The following COL6A6 variants were observed in gnomAD, a reference collection of about 807,000 sequenced individuals.
COL6A6 encodes the protein collagen alpha-6(VI) chain.
Under a neutral mutation model 208.6 loss-of-function variants are expected in COL6A6, and 183 were observed. That is an observed-to-expected ratio of 0.88 (90% CI 0.78 to 0.99). The LOEUF (loss-of-function observed/expected upper bound fraction) is 0.99. Among genes scored for constraint, COL6A6 ranks in the 50% least tolerant of loss-of-function variants. The pLI is 0.00. For synonymous variants in COL6A6, 973 were observed against 1,011.8 expected, an observed-to-expected ratio of 0.96 and a Z score of 0.73; for missense variants, 2,816 against 2,815.2, an observed-to-expected ratio of 1.00 and a Z score of -0.01.
chr3:130,661,381 C>T (rs997887805), intron 34 of COL6A6, among the ~76,000 whole-genome samples: 1 of 152,178 alleles, frequency 6.6e-6, no homozygotes, highest in East Asian at 1.9e-4. Flanking sequence ...GATTAAACTT[C>T]TGTTGAAAAC....
intron 24 of COL6A6, among the ~76,000 whole-genome samples, chr3:130,622,092 G>A (rs1287271354): frequency 6.6e-6 from 1 of 152,130 alleles, no homozygotes; most frequent in African/African-American, 2.4e-5. Context: ...TGTAATTTAA[G>A]AGGGGAGGGA....
In COL6A6 at chr3:130,565,365, G is replaced by T; in HGVS notation, c.1033G>T (p.Glu345Ter). 6.2e-7 allele frequency: 1 copy of T among 1,613,990 alleles called. No homozygotes were observed. Among genetic ancestry groups the T allele is most frequent in the South Asian group, 1.1e-5 (1 of 91,084 alleles). The change falls in exon 4 of 37, where the codon GAA becomes TAA. Residue 345 changes from glutamate to a stop codon, truncating the protein, a stop_gained. Transcript: ENST00000358511. LOFTEE classifies it high-confidence loss of function. ...CGTGCTGGTGACCCACCGAGATTCA[G>T]AAGACAACGTGACAAAAGCAGCTGT... ...IAVLVTHRDS[E>*]DNVTKAAVNL...
intron 23 of COL6A6, among the ~76,000 whole-genome samples, chr3:130,613,099 C>A (rs2064410233): frequency 6.6e-6 from 1 of 152,170 alleles, no homozygotes; most frequent in Admixed American, 6.5e-5. Flanking sequence ...AGTCCTATGT[C>A]CAGAATGGTG....
At position 130,661,875 on chromosome 3, in the gene COL6A6, C is replaced by T. The variant is rs938643754; in HGVS notation, c.6069C>T (p.Asn2023=). 1.9e-6 allele frequency: 3 copies of T among 1,613,872 alleles called. No homozygotes were observed. The African/African-American group carries it at 4.0e-5, about 22-fold the overall frequency. The part of the protein sequence containing the change: ...LSHAPPDFLP[N]TQKSPVRAEF... ...ATGCTCCCCCCGACTTCCTACCCAA[C>T]ACTCAGAAGAGTCCAGTTAGAGCTG... Residue 2023 remains asparagine, a synonymous_variant, in exon 35 of 37, where the codon AAC becomes AAT. Transcript: ENST00000358511.
At chr3:130,650,960 C>A (rs1486957800) in intron 33 of COL6A6, among the ~76,000 whole-genome samples, 1 of 152,116 alleles carries the variant, frequency 6.6e-6, no homozygotes, top group Non-Finnish European at 1.5e-5. Context: ...CCTTTTGAGG[C>A]CATTTCCACT....
chr3:130,537,748 T>C (rs1271287744), intron 1 of COL6A6, among the ~76,000 whole-genome samples: 1 of 152,218 alleles, frequency 6.6e-6, no homozygotes, highest in Non-Finnish European at 1.5e-5. Flanking sequence ...TGACCAAATA[T>C]TTTATTACCT....
chr3:130,527,890 C>CTT (rs56110472), intron 1 of COL6A6, among the ~76,000 whole-genome samples: 25 of 57,792 alleles, frequency 4.3e-4, no homozygotes, highest in Middle Eastern at 0.012. Flanking sequence ...GTTACTTTTC[C>CTT]TTTTTTTTTT....
intron 1 of COL6A6, among the ~76,000 whole-genome samples, chr3:130,537,173 C>T (rs1216381576): frequency 6.6e-6 from 1 of 152,198 alleles, no homozygotes; most frequent in East Asian, 1.9e-4. Flanking sequence ...TTGTCTGTTT[C>T]CCTTAACACA....
In COL6A6 at chr3:130,578,611, A is replaced by G. The variant is rs139462617; in HGVS notation, c.3548-2950A>G. Among the ~76,000 whole-genome samples the G allele has an allele frequency of 5.4e-4, 82 of 152,332 alleles. No homozygotes were observed. The East Asian group carries it at 0.015, about 28-fold the overall frequency. ...GTATACCAGCCCAGCAGAGGGAATAAAAGAGAGGATTTACCTGCCAATTGC... is the reference window on the plus strand; with the variant it reads ...GTATACCAGCCCAGCAGAGGGAATAGAAGAGAGGATTTACCTGCCAATTGC... On this transcript the variant is annotated intron_variant, in intron 8 of 36. Transcript: ENST00000358511.
chr3:130,527,597 A>G (rs144424624), intron 1 of COL6A6, among the ~76,000 whole-genome samples: 1 of 152,372 alleles, frequency 6.6e-6, no homozygotes, highest in African/African-American at 2.4e-5. Flanking sequence ...TTCCCAAGCA[A>G]TGATCACATC....
chr3:130,577,768 G>A (rs775623798), intron 8 of COL6A6, among the ~76,000 whole-genome samples: 25 of 152,340 alleles, frequency 1.6e-4, no homozygotes, highest in Admixed American at 4.6e-4. Flanking sequence ...TGTCTTATGA[G>A]GAGAAGTGAG....
chr3:130,608,169 A>G (rs1233268302), intron 21 of COL6A6, among the ~76,000 whole-genome samples: 1 of 152,230 alleles, frequency 6.6e-6, no homozygotes, highest in African/African-American at 2.4e-5. Context: ...CGTGTTTTGA[A>G]GAAATGCATG....
intron 6 of COL6A6, 111 bp from the exon 7 acceptor site, chr3:130,570,707 C>A: frequency 1.3e-6 from 1 of 768,260 alleles, no homozygotes; most frequent in Non-Finnish European, 2.1e-6. Context: ...TTCTAATGCA[C>A]AGCATGATCC....
rs531027130 is a variant in COL6A6, at chr3:130,577,769, G to A, written c.3547+3244G>A. On this transcript the variant is annotated intron_variant, in intron 8 of 36. Transcript: ENST00000358511. ...TTCTACTTATTCTGTGTCTTATGAG[G>A]AGAAGTGAGACAGTGAATTGGAAGT... Among the ~76,000 whole-genome samples the A allele has an allele frequency of 1.2e-3, 178 of 152,358 alleles. 1 individual carries two copies. The highest frequency in any genetic ancestry group is 6.8e-3 in the Middle Eastern group (2 of 294).
At chr3:130,586,748 C>A (rs1192060089) in intron 11 of COL6A6, 88 bp downstream of exon 11, 15 of 1,321,586 alleles carry the variant, frequency 1.1e-5, no homozygotes, top group Middle Eastern at 2.2e-4. Flanking sequence ...TTTGAACTTA[C>A]TGTGTTTATT....
At chr3:130,617,422 G>A (rs1488777342) in intron 23 of COL6A6, among the ~76,000 whole-genome samples, 7 of 152,104 alleles carry the variant, frequency 4.6e-5, no homozygotes, top group African/African-American at 1.2e-4. Context: ...GGTGTTTTCC[G>A]GGTAACCAAG....
chr3:130,520,911 G>T (rs1711033337), intron 1 of COL6A6, among the ~76,000 whole-genome samples: 2 of 152,136 alleles, frequency 1.3e-5, no homozygotes, highest in African/African-American at 4.8e-5. Context: ...CAAGTCTAAG[G>T]AGATGTACTC....
intron 1 of COL6A6, among the ~76,000 whole-genome samples, chr3:130,557,798 A>G (rs2062799840): frequency 1.3e-5 from 2 of 152,220 alleles, no homozygotes; most frequent in South Asian, 4.1e-4. Flanking sequence ...AATAGCCCCA[A>G]GAGGTGTTGT....
chr3:130,606,559 G>A (rs544800319), intron 20 of COL6A6, among the ~76,000 whole-genome samples: 1 of 152,112 alleles, frequency 6.6e-6, no homozygotes. Context: ...GGATTCCTTG[G>A]TAGTGCTTAA....
Sources: allele counts gnomAD v4.1 joint callset (sites outside exome capture counted in the v4.1 genomes callset), GRCh38; gene constraint gnomAD v4.1.1; transcripts MANE v1.5; gene names NCBI Gene and HGNC (gene_info 2026-07-23, HGNC 2026-07-21).